PRORP: variants seen among roughly 807,000 people sequenced by gnomAD.
PRORP encodes mitochondrial ribonuclease P catalytic subunit.
PRORP carries 51 observed loss-of-function variants against 59.4 expected under a neutral mutation model. That is an observed-to-expected ratio of 0.86 (90% CI 0.69 to 1.08). The LOEUF (loss-of-function observed/expected upper bound fraction) is 1.08. PRORP is among the 50% of genes least tolerant of loss of function. PRORP has a pLI of 0.00. For synonymous variants in PRORP, 231 were observed against 245.6 expected, an observed-to-expected ratio of 0.94 and a Z score of 0.55; for missense variants, 646 against 690.3, an observed-to-expected ratio of 0.94 and a Z score of 0.72.
In PRORP at chr14:35,254,552, G is replaced by C. The variant is rs146237399; in HGVS notation, c.1276-12175G>C. 4.6e-3 allele frequency among the ~76,000 whole-genome samples: 695 copies of C among 152,036 alleles called. 3 individuals are homozygous for C. The highest frequency in any genetic ancestry group is 7.6e-3 in the Non-Finnish European group (518 of 67,960). ...GGATTACAGGCATGCGCCACCACTC[G>C]CAGCTAATTTTGTATTTTTAGTAGA... On this transcript the variant is annotated intron_variant, in intron 5 of 7. Coordinates refer to ENST00000534898, the MANE Select transcript of PRORP (RefSeq NM_014672.4).
chr14:35,235,718 A>G, intron 5 of PRORP: 1 of 297,778 alleles, frequency 3.4e-6, no homozygotes, highest in Admixed American at 4.5e-5. Flanking sequence ...AGACACTTGT[A>G]TATGGAGTAC....
intron 4 of PRORP, among the ~76,000 whole-genome samples, chr14:35,170,291 C>A (rs894038424): frequency 6.6e-6 from 1 of 151,908 alleles, no homozygotes; most frequent in African/African-American, 2.4e-5. Flanking sequence ...GCTTTTTGTT[C>A]TTCTGTTTCT....
At chr14:35,262,581 C>T in intron 5 of PRORP, 1 of 712,600 alleles carries the variant, frequency 1.4e-6, no homozygotes, top group Admixed American at 1.8e-5. Context: ...TCAATCACAT[C>T]AGTGTAGATT....
intron 5 of PRORP, among the ~76,000 whole-genome samples, chr14:35,231,300 G>A (rs1464337519): frequency 6.6e-6 from 1 of 152,104 alleles, no homozygotes; most frequent in East Asian, 1.9e-4. Context: ...GATCATTTAA[G>A]TATCTTGTAA....
intron 5 of PRORP, among the ~76,000 whole-genome samples, chr14:35,221,452 C>T (rs1468571144): frequency 3.3e-5 from 5 of 152,094 alleles, no homozygotes; most frequent in African/African-American, 7.2e-5. Context: ...TATTGTATTT[C>T]AACATGGATT....
chr14:35,200,479 C>T (rs1357656996), intron 5 of PRORP, among the ~76,000 whole-genome samples: 2 of 152,018 alleles, frequency 1.3e-5, no homozygotes, highest in African/African-American at 2.4e-5. Flanking sequence ...TGTGAGCCAC[C>T]GCGCCCGGCC....
chr14:35,242,412 T>G (rs2050389687), intron 5 of PRORP, among the ~76,000 whole-genome samples: 1 of 152,190 alleles, frequency 6.6e-6, no homozygotes, highest in African/African-American at 2.4e-5. Flanking sequence ...GTTGGTGTTT[T>G]TTACTCTTTG....
chr14:35,210,055 A>G (rs546522621), intron 5 of PRORP, among the ~76,000 whole-genome samples: 1 of 152,386 alleles, frequency 6.6e-6, no homozygotes, highest in South Asian at 2.1e-4. Context: ...TAATCAGCAC[A>G]GAATTGTAAA....
At chr14:35,128,302 T>G (rs975850468) in intron 4 of PRORP, among the ~76,000 whole-genome samples, 69 of 117,976 alleles carry the variant, frequency 5.8e-4, no homozygotes, top group African/African-American at 2.0e-3. Flanking sequence ...GTTTTTTGGG[T>G]TTTTTTTTTG....
At chr14:35,150,230 T>G (rs1241776744) in intron 4 of PRORP, among the ~76,000 whole-genome samples, 1 of 152,222 alleles carries the variant, frequency 6.6e-6, no homozygotes, top group Non-Finnish European at 1.5e-5. Context: ...AGACTCTTCC[T>G]TTCACTTGAA....
chr14:35,267,417 C>T (rs1241221553), intron 6 of PRORP, among the ~76,000 whole-genome samples: 2 of 152,024 alleles, frequency 1.3e-5, no homozygotes, highest in African/African-American at 4.8e-5. Flanking sequence ...TCTGAGGGGG[C>T]AGATTCGATG....
chr14:35,158,151 T>G (rs1337314674), intron 4 of PRORP: 8 of 278,532 alleles, frequency 2.9e-5, no homozygotes, highest in African/African-American at 1.6e-4. Context: ...CAGCTCCGTC[T>G]TCTTCATTTT....
intron 4 of PRORP, chr14:35,158,906 C>T (rs145978755): frequency 1.0e-5 from 3 of 300,486 alleles, no homozygotes; most frequent in African/African-American, 2.3e-5. Context: ...GTTGTCTTTC[C>T]TGGATTTCCC....
intron 5 of PRORP, among the ~76,000 whole-genome samples, chr14:35,240,405 A>G (rs2050334373): frequency 6.7e-6 from 1 of 149,856 alleles, no homozygotes; most frequent in South Asian, 2.1e-4. Context: ...AGGTAGTTAC[A>G]GCCATTTCCA....
chr14:35,231,348 A>G (rs1006068936), intron 5 of PRORP, among the ~76,000 whole-genome samples: 1 of 152,024 alleles, frequency 6.6e-6, no homozygotes, highest in Admixed American at 6.6e-5. Flanking sequence ...ACCAGTTTTT[A>G]TTTTTCACGC....
In PRORP at chr14:35,214,554, A is replaced by G. The variant is rs190965123; in HGVS notation, c.1275+33777A>G. Among the ~76,000 whole-genome samples, 247 of 152,308 alleles carry G rather than the reference A, an allele frequency of 1.6e-3. 1 individual carries two copies. The highest frequency in any genetic ancestry group is 2.4e-3 in the Admixed American group (36 of 15,286). ...CTTAAGCAGCAGGGCAAGAATGGAC[A>G]TGTTTTTCTAAAATAAGACTTTTCT... On this transcript the variant is annotated intron_variant, in intron 5 of 7. Coordinates refer to ENST00000534898, the MANE Select transcript of PRORP (RefSeq NM_014672.4).
chr14:35,225,573 C>A (rs1385784462), intron 5 of PRORP, among the ~76,000 whole-genome samples: 1 of 152,066 alleles, frequency 6.6e-6, no homozygotes, highest in African/African-American at 2.4e-5. Flanking sequence ...TCTCGAACTC[C>A]TGAGCTCAGG....
At chr14:35,204,058 G>C (rs1048324549) in intron 5 of PRORP, among the ~76,000 whole-genome samples, 3 of 152,290 alleles carry the variant, frequency 2.0e-5, no homozygotes, top group Middle Eastern at 3.4e-3. Flanking sequence ...TATGGTATCT[G>C]TTACCTCCTT....
intron 5 of PRORP, among the ~76,000 whole-genome samples, chr14:35,203,348 C>A (rs1004577332): frequency 2.6e-5 from 4 of 151,792 alleles, no homozygotes; most frequent in African/African-American, 9.7e-5. Flanking sequence ...GGCAACATGG[C>A]GAAACCCCAT....
Sources: allele counts gnomAD v4.1 joint callset (sites outside exome capture counted in the v4.1 genomes callset), GRCh38; gene constraint gnomAD v4.1.1; transcripts MANE v1.5; gene names NCBI Gene and HGNC (gene_info 2026-07-23, HGNC 2026-07-21).